The following SATB1 variants were observed in gnomAD, a reference collection of about 807,000 sequenced individuals.
The protein encoded by SATB1 is SATB homeobox 1.
SATB1 carries 11 observed loss-of-function variants against 86.9 expected under a neutral mutation model. The ratio of observed to expected loss-of-function variants is 0.13; its 90% confidence interval spans 0.08 to 0.21. The LOEUF is 0.21. SATB1 is among the 10% of genes least tolerant of loss of function. The pLI is 1.00. For synonymous variants in SATB1, 357 were observed against 357.2 expected (o/e 1.00, Z 0.01); for missense variants, 551 against 937.6 (o/e 0.59, Z 5.39).
chr3:18,360,824 C>G (rs1401980185), intron 9 of SATB1, among the ~76,000 whole-genome samples: 2 of 152,058 alleles, frequency 1.3e-5, no homozygotes, highest in Non-Finnish European at 2.9e-5. Context: ...TCTCCAAGCA[C>G]ATTTGGGAAA....
At chr3:18,388,692 T>G (rs1696472997) in intron 7 of SATB1, among the ~76,000 whole-genome samples, 1 of 152,148 alleles carries the variant, frequency 6.6e-6, no homozygotes, top group Admixed American at 6.5e-5. Context: ...TTAGCACTCA[T>G]GTTGGGCCTA....
chr3:18,393,263 A>C (rs981835861), intron 7 of SATB1, among the ~76,000 whole-genome samples: 1 of 152,222 alleles, frequency 6.6e-6, no homozygotes, highest in African/African-American at 2.4e-5. Context: ...GTGGTAAAAC[A>C]AAAGAGCTGA....
At chr3:18,399,199 T>G (rs1488853225) in intron 5 of SATB1, among the ~76,000 whole-genome samples, 1 of 152,186 alleles carries the variant, frequency 6.6e-6, no homozygotes, top group African/African-American at 2.4e-5. Flanking sequence ...TTGACAAACA[T>G]CCAGTCTACT....
At chr3:18,403,944 C>A (rs1294919825) in intron 5 of SATB1, among the ~76,000 whole-genome samples, 2 of 152,014 alleles carry the variant, frequency 1.3e-5, no homozygotes, top group Non-Finnish European at 2.9e-5. Context: ...TTTTTTACAG[C>A]AGCTTTTTAT....
intron 5 of SATB1, among the ~76,000 whole-genome samples, chr3:18,398,061 T>C (rs1462833290): frequency 6.6e-6 from 1 of 152,214 alleles, no homozygotes; most frequent in Non-Finnish European, 1.5e-5. Flanking sequence ...ATACATTTCA[T>C]GCTTCTAAAT....
At chr3:18,351,371 C>T in intron 10 of SATB1, 1 of 1,555,968 alleles carries the variant, frequency 6.4e-7, no homozygotes, top group Non-Finnish European at 8.6e-7. Context: ...GAAAACGCCT[C>T]TAGACTCTCC....
At chr3:18,363,943 A>C (rs183374466) in intron 9 of SATB1, among the ~76,000 whole-genome samples, 2 of 152,282 alleles carry the variant, frequency 1.3e-5, no homozygotes, top group Admixed American at 1.3e-4. Context: ...AATATCAGAG[A>C]AAAGGTTGTC....
rs1696365055 is a variant in SATB1 at position 18,386,750 on chromosome 3, C to T, written c.1207-139G>A. 1.6e-6 allele frequency: 1 copy of T among 641,312 alleles called. No individual in the cohort carries two copies. Among genetic ancestry groups the T allele is most frequent in the Admixed American group, 2.8e-5 (1 of 36,100 alleles). The allele number at this position is 641,312 out of a possible 1,614,324, so 39.7% of individuals were successfully genotyped here. On this transcript the variant is annotated intron_variant, in intron 7 of 10. Transcript: ENST00000338745. This position sits in a 1 kb window ranked among gnomAD's most constrained non-coding sequence, Gnocchi z 4.5. ...ATTCTGCATAGGAATATATTAGTTA[C>T]AACTGAAGTGGTAGAGAAGAGAGCC...
chr3:18,414,512 A>T (rs1698020005), intron 5 of SATB1, among the ~76,000 whole-genome samples: 1 of 152,112 alleles, frequency 6.6e-6, no homozygotes, highest in Non-Finnish European at 1.5e-5. Flanking sequence ...GGAAAAAAGA[A>T]AATTCCACTT....
In SATB1 at chr3:18,394,987, TCC is replaced by T; in HGVS notation, c.752-73_752-72del. 1 of 1,269,844 alleles carries T rather than the reference TCC, an allele frequency of 7.9e-7. No individual in the cohort carries two copies. The highest frequency in any genetic ancestry group is 1.1e-6 in the Non-Finnish European group (1 of 940,650). 78.7% of individuals were successfully genotyped at this position (1,269,844 alleles called of 1,614,324 possible). Reference sequence around the variant, plus strand: ...GCATTGATAAAGATTTCTAACCATTTCCTAAATTAAAAAAGGGTAGGCACAGG... The same window carrying T: ...GCATTGATAAAGATTTCTAACCATTTTAAATTAAAAAAGGGTAGGCACAGG... On this transcript the variant is annotated intron_variant, in intron 6 of 10. Transcript: ENST00000338745. This position sits in a 1 kb window ranked among gnomAD's most constrained non-coding sequence, Gnocchi z 5.9.
rs757844597 is a variant in SATB1 at position 18,420,852 on chromosome 3, G to T, written c.116C>A (p.Pro39Gln). The T allele has an allele frequency of 6.2e-7, 1 of 1,614,110 alleles. No homozygotes were observed. Among genetic ancestry groups the T allele is most frequent in the Non-Finnish European group, 8.5e-7 (1 of 1,180,008 alleles). Residue 39 changes from proline (P) to glutamine (Q), a missense_variant, in exon 2 of 11, where the codon CCG (proline) becomes CAG (glutamine). By Grantham distance (76) the Pro-to-Gln change is moderately conservative (BLOSUM62 -1). Around this residue, in one of 8 missense-constraint regions of SATB1, gnomAD observed 153 missense variants for 258.1 expected, o/e 0.59. Coordinates refer to ENST00000338745, the MANE Select transcript of SATB1 (RefSeq NM_002971.6). ...KIARLEQNGS[P>Q]LGRGRLGSTG... ...ACTCCCAAGCCTTCCTCTTCCTAGCGGGCTCCCGTTCTGCTCCAGGCGGGC... is the reference window on the plus strand; with the variant it reads ...ACTCCCAAGCCTTCCTCTTCCTAGCTGGCTCCCGTTCTGCTCCAGGCGGGC...
At chr3:18,385,324 T>A (rs1342663857) in intron 8 of SATB1, among the ~76,000 whole-genome samples, 3 of 152,146 alleles carry the variant, frequency 2.0e-5, no homozygotes, top group Non-Finnish European at 1.5e-5. Context: ...GTTAAACATG[T>A]AAGAAAACAC....
At chr3:18,442,398 G>T (rs969389120), upstream of SATB1, among the ~76,000 whole-genome samples, 1 of 151,982 alleles carries the variant, frequency 6.6e-6, no homozygotes, top group Non-Finnish European at 1.5e-5. Context: ...TATTACCTAT[G>T]ACTGAACAAC....
At chr3:18,428,776 TAATG>T (rs1211443180), upstream of SATB1, among the ~76,000 whole-genome samples, 1 of 152,204 alleles carries the variant, frequency 6.6e-6, no homozygotes, top group Admixed American at 6.5e-5. Context: ...TTTAAAAACT[TAATG>T]AAAGGACTAC....
intron 5 of SATB1, among the ~76,000 whole-genome samples, chr3:18,405,071 A>AT (rs1206673605): frequency 6.6e-6 from 1 of 152,010 alleles, no homozygotes; most frequent in Non-Finnish European, 1.5e-5. Flanking sequence ...CTAGAGTCTT[A>AT]TTTTTAGGAA....
chr3:18,384,689 CTTTTT>C (rs1387004827), intron 8 of SATB1, among the ~76,000 whole-genome samples: 2 of 151,940 alleles, frequency 1.3e-5, no homozygotes, highest in South Asian at 2.1e-4. Flanking sequence ...TATATTTTTT[CTTTTT>C]TATCATTCCT....
upstream of SATB1, among the ~76,000 whole-genome samples, chr3:18,439,548 A>T (rs1699180335): frequency 6.6e-6 from 1 of 152,244 alleles, no homozygotes; most frequent in African/African-American, 2.4e-5. Context: ...AAATAGACTT[A>T]CCACTGAGAA....
intron 6 of SATB1, among the ~76,000 whole-genome samples, chr3:18,396,114 G>A (rs1376333567): frequency 6.6e-6 from 1 of 152,098 alleles, no homozygotes; most frequent in Admixed American, 6.5e-5. Flanking sequence ...CAGCCCAAGT[G>A]GGCCATTCAC....
intron 9 of SATB1, among the ~76,000 whole-genome samples, chr3:18,375,295 G>A (rs1197843110): frequency 1.3e-5 from 2 of 152,168 alleles, no homozygotes; most frequent in East Asian, 3.9e-4. Context: ...ACTCTCATGT[G>A]TAAAAGTAAG....
Sources: gnomAD v4.1 joint callset for allele counts (sites outside exome capture counted in the v4.1 genomes callset) on GRCh38, gnomAD v4.1.1 for gene constraint, gnomAD v4.1.1 regional missense constraint, Gnocchi (gnomAD v3.1) non-coding constraint, MANE v1.5 for transcripts, NCBI Gene and HGNC (gene_info 2026-07-23, HGNC 2026-07-21) for gene names.